Variants in RASAL2 observed in about 807,000 individuals in gnomAD.
The protein encoded by RASAL2 is ras GTPase-activating protein nGAP.
A neutral mutation model predicts 128.9 loss-of-function variants in RASAL2; 58 were observed. That is an observed-to-expected ratio of 0.45 (90% CI 0.36 to 0.56). The LOEUF (loss-of-function observed/expected upper bound fraction) is 0.56, where lower values mean the gene tolerates loss of function less well. Among genes scored for constraint, RASAL2 ranks in the 20% least tolerant of loss-of-function variants. The pLI is 0.00. For synonymous variants in RASAL2, 561 were observed against 580.8 expected (o/e 0.97, Z 0.49); for missense variants, 1,360 against 1,601.6 (o/e 0.85, Z 2.57).
rs925022282 is a variant in RASAL2 at position 178,246,746 on chromosome 1, T to C, written c.203-36818T>C. On this transcript the variant is annotated intron_variant, in intron 1 of 17. Coordinates refer to ENST00000367649, the MANE Select transcript of RASAL2 (RefSeq NM_170692.4). ...ATTATTTTGAGATATGTTCCATCAA[T>C]ACCTAGTTTATTGAGAGTTTTTAGC... Among the ~76,000 whole-genome samples, 85 of 152,194 alleles carry C rather than the reference T, an allele frequency of 5.6e-4. 2 individuals carry two copies. The highest frequency in any genetic ancestry group is 1.0e-4 in the Non-Finnish European group (7 of 68,036).
chr1:178,214,438 T>TA (rs1169334094), intron 1 of RASAL2, among the ~76,000 whole-genome samples: 17 of 152,114 alleles, frequency 1.1e-4, no homozygotes, highest in Admixed American at 7.9e-4. Flanking sequence ...TCATAGAAAA[T>TA]ACCTGAATGC....
At chr1:178,442,388 T>C (rs1191310598) in intron 7 of RASAL2, among the ~76,000 whole-genome samples, 1 of 152,098 alleles carries the variant, frequency 6.6e-6, no homozygotes, top group South Asian at 2.1e-4. Context: ...GATATTAGAC[T>C]GGTTATATGA....
At chr1:178,347,632 T>C (rs549617540) in intron 3 of RASAL2, among the ~76,000 whole-genome samples, 2 of 152,134 alleles carry the variant, frequency 1.3e-5, no homozygotes, top group South Asian at 4.1e-4. Flanking sequence ...CATCAAAACG[T>C]CTAAAATGAG....
chr1:178,198,729 G>A (rs936283454), intron 1 of RASAL2, among the ~76,000 whole-genome samples: 17 of 152,148 alleles, frequency 1.1e-4, no homozygotes, highest in South Asian at 2.1e-4. Flanking sequence ...GGTGTCAGTT[G>A]GCCCCTGCTG....
intron 5 of RASAL2, among the ~76,000 whole-genome samples, chr1:178,434,610 A>T (rs921788861): frequency 6.6e-6 from 1 of 152,086 alleles, no homozygotes; most frequent in African/African-American, 2.4e-5. Flanking sequence ...AAGCTAACAT[A>T]AAAATCAGTG....
intron 2 of RASAL2, among the ~76,000 whole-genome samples, chr1:178,292,648 A>C (rs1245902542): frequency 1.3e-5 from 2 of 152,058 alleles, no homozygotes; most frequent in Admixed American, 1.3e-4. Context: ...CAAAGAGGGC[A>C]CAGGAGGCCA....
At chr1:178,409,388 G>A (rs537106481) in intron 4 of RASAL2, among the ~76,000 whole-genome samples, 4 of 152,130 alleles carry the variant, frequency 2.6e-5, no homozygotes, top group Non-Finnish European at 5.9e-5. Context: ...CACAGTGGAG[G>A]GGCACGTAAT....
chr1:178,103,432 A>G (rs1658978195), intron 1 of RASAL2, among the ~76,000 whole-genome samples: 1 of 152,102 alleles, frequency 6.6e-6, no homozygotes. Flanking sequence ...GTGTATTTGT[A>G]ATTTTGAAAG....
intron 3 of RASAL2, among the ~76,000 whole-genome samples, chr1:178,361,964 G>A (rs1306928887): frequency 9.2e-5 from 14 of 151,950 alleles, no homozygotes; most frequent in Admixed American, 9.2e-4. Context: ...TTACAATAGG[G>A]TATGTGCTTC....
intron 1 of RASAL2, among the ~76,000 whole-genome samples, chr1:178,241,311 G>A (rs1427495650): frequency 6.6e-6 from 1 of 152,124 alleles, no homozygotes; most frequent in African/African-American, 2.4e-5. Flanking sequence ...TCCAAGCTGT[G>A]TTAGGAAATA....
intron 5 of RASAL2, among the ~76,000 whole-genome samples, chr1:178,424,218 G>GTTT (rs74384566): frequency 7.0e-6 from 1 of 142,196 alleles, no homozygotes; most frequent in Non-Finnish European, 1.6e-5. Context: ...AAGTGTTGTG[G>GTTT]TTTTTTTTTT....
intron 3 of RASAL2, among the ~76,000 whole-genome samples, chr1:178,302,706 A>T (rs1667818682): frequency 2.0e-5 from 3 of 152,194 alleles, no homozygotes; most frequent in South Asian, 4.1e-4. Flanking sequence ...GCAGAAGAAA[A>T]CAAGGTGAGA....
rs1659458467 is a variant in RASAL2 at position 178,114,636 on chromosome 1, C to T, written c.202+19942C>T. Reference sequence around the variant, plus strand: ...TCCTGGGTTCATGCCATTCTCCTGCCTCAGCCTCCCTAGTAGCTGGGACTA... The same window carrying T: ...TCCTGGGTTCATGCCATTCTCCTGCTTCAGCCTCCCTAGTAGCTGGGACTA... On this transcript the variant is annotated intron_variant, in intron 1 of 17. Transcript: ENST00000367649. Among the ~76,000 whole-genome samples the T allele has an allele frequency of 2.0e-5, 3 of 152,026 alleles. No homozygotes were observed. The South Asian group carries it at 6.2e-4, about 32-fold the overall frequency.
chr1:178,404,582 T>G (rs895038440), intron 4 of RASAL2, among the ~76,000 whole-genome samples: 1 of 152,026 alleles, frequency 6.6e-6, no homozygotes, highest in African/African-American at 2.4e-5. Context: ...GGTTTCACCA[T>G]GTTGGCCAGG....
At chr1:178,425,262 C>G (rs752257382) in intron 5 of RASAL2, among the ~76,000 whole-genome samples, 1 of 152,036 alleles carries the variant, frequency 6.6e-6, no homozygotes, top group Non-Finnish European at 1.5e-5. Context: ...CTGAATAGTT[C>G]ATGGTATTAA....
At chr1:178,353,066 T>C (rs1670600484) in intron 3 of RASAL2, among the ~76,000 whole-genome samples, 1 of 152,250 alleles carries the variant, frequency 6.6e-6, no homozygotes, top group South Asian at 2.1e-4. Flanking sequence ...TTTTCCCTAG[T>C]GTCTTGGCTA....
intron 1 of RASAL2, among the ~76,000 whole-genome samples, chr1:178,236,276 A>AT (rs1664232930): frequency 6.6e-6 from 1 of 152,160 alleles, no homozygotes; most frequent in African/African-American, 2.4e-5. Flanking sequence ...CTATAATAGA[A>AT]TTTATCTCTT....
At chr1:178,275,795 C>A (rs1279485473) in intron 1 of RASAL2, among the ~76,000 whole-genome samples, 1 of 152,176 alleles carries the variant, frequency 6.6e-6, no homozygotes, top group Non-Finnish European at 1.5e-5. Context: ...TTATCTCTTT[C>A]CTGCTCTCTC....
chr1:178,299,447 C>T (rs148101074), intron 2 of RASAL2, among the ~76,000 whole-genome samples: 158 of 152,226 alleles, frequency 1.0e-3, no homozygotes, highest in African/African-American at 3.6e-3. Context: ...ATGATTTGTA[C>T]ATACTTCATG....
Sources: allele counts gnomAD v4.1 joint callset (sites outside exome capture counted in the v4.1 genomes callset), GRCh38; gene constraint gnomAD v4.1.1; transcripts MANE v1.5; gene names NCBI Gene and HGNC (gene_info 2026-07-23, HGNC 2026-07-21).